The following RPAP3 variants were observed in gnomAD, a reference collection of about 807,000 sequenced individuals.
The protein encoded by RPAP3 is RNA polymerase II associated protein 3.
In RPAP3, 58 loss-of-function variants were observed where a neutral mutation model predicts 88.8. The ratio of observed to expected loss-of-function variants is 0.65; its 90% CI spans 0.53 to 0.81. The LOEUF is 0.81. Ranked by LOEUF, RPAP3 falls within the 40% of genes least tolerant of loss-of-function variation. RPAP3 has a pLI of 0.00. For missense variants in RPAP3, 751 were observed against 764.3 expected, an observed-to-expected ratio of 0.98 and a Z score of 0.20; for synonymous variants, 255 against 259.9, an observed-to-expected ratio of 0.98 and a Z score of 0.18.
intron 9 of RPAP3, among the ~76,000 whole-genome samples, chr12:47,682,605 G>A (rs946285818): frequency 6.6e-6 from 1 of 151,290 alleles, no homozygotes; most frequent in Admixed American, 6.6e-5. Flanking sequence ...AGTATGGCTT[G>A]TTAGAACTAG....
At chr12:47,702,296 A>G (rs1939667906) in intron 2 of RPAP3, among the ~76,000 whole-genome samples, 1 of 152,210 alleles carries the variant, frequency 6.6e-6, no homozygotes, top group Non-Finnish European at 1.5e-5. Flanking sequence ...CTGTAATCCC[A>G]GCACTTCGGG....
intron 5 of RPAP3, among the ~76,000 whole-genome samples, chr12:47,695,122 G>T (rs1045555832): frequency 6.6e-6 from 1 of 151,876 alleles, no homozygotes; most frequent in African/African-American, 2.4e-5. Flanking sequence ...AAGGAGGGAA[G>T]AAAGAGTGGG....
In RPAP3 at chr12:47,661,398, A is replaced by G. The variant is rs1200629687; in HGVS notation, c.*2107T>C. 6.6e-6 allele frequency: 1 copy of G among 152,138 alleles called. No homozygotes were observed. Among genetic ancestry groups the G allele is most frequent in the Non-Finnish European group, 1.5e-5 (1 of 68,026 alleles). The allele number at this position is 152,138 out of a possible 1,614,324, so 9.4% of individuals were successfully genotyped here. ...TAATAGTAACAGTAGCTTACTATACATCCAGCCCTGCTCCAAAAACAAAAT... is the reference window on the plus strand; with the variant it reads ...TAATAGTAACAGTAGCTTACTATACGTCCAGCCCTGCTCCAAAAACAAAAT... On this transcript the variant is annotated 3_prime_UTR_variant, in exon 17 of 17. Transcript: ENST00000005386.
At chr12:47,702,346 G>A (rs1939670367) in intron 2 of RPAP3, among the ~76,000 whole-genome samples, 1 of 151,782 alleles carries the variant, frequency 6.6e-6, no homozygotes, top group Non-Finnish European at 1.5e-5. Context: ...AACAGATCAA[G>A]ACCATCCTGG....
rs1322663452 is a variant in RPAP3, at chr12:47,697,657, T to C, written c.357A>G (p.Ser119=). 1.2e-6 allele frequency: 2 copies of C among 1,610,762 alleles called. No individual in the cohort carries two copies. Among genetic ancestry groups the C allele is most frequent in the African/African-American group, 1.3e-5 (1 of 74,844 alleles). Reference sequence around the variant, plus strand: ...CATGAATCCCATCTTCTTCCGACTCTGATTCTTGAGACAGAGACTCATGGG... The same window carrying C: ...CATGAATCCCATCTTCTTCCGACTCCGATTCTTGAGACAGAGACTCATGGG... ...DSTHESLSQE[S]ESEEDGIHVD... Residue 119 remains serine, a synonymous_variant, in exon 4 of 17, where the codon TCA becomes TCG. Coordinates refer to ENST00000005386, the MANE Select transcript of RPAP3 (RefSeq NM_024604.3).
At chr12:47,680,641 T>G (rs778572529) in intron 10 of RPAP3, among the ~76,000 whole-genome samples, 14 of 150,956 alleles carry the variant, frequency 9.3e-5, no homozygotes, top group Admixed American at 1.3e-4. Context: ...AGGAATAAAA[T>G]AAAAAGCAGA....
Position 47,680,841 on chromosome 12 carries a change from T to TA in RPAP3, c.1114+854_1114+855insT, listed in dbSNP as rs568225793. Among the ~76,000 whole-genome samples, 131 of 144,000 alleles carry TA rather than the reference T, an allele frequency of 9.1e-4. 1 individual carries two copies. In the South Asian group the frequency reaches 9.5e-3, roughly 10 times the overall value. The allele number at this position is 144,000 out of a possible 152,430, so 94.5% of individuals were successfully genotyped here. On this transcript the variant is annotated intron_variant, in intron 10 of 16. Transcript: ENST00000005386. ...ATAAAACCACAGCCCGAAGAGTTTT[T>TA]TAAAAAAAAAAAATCAATCACTAAC...
At chr12:47,699,696 TTA>T (rs1439299379) in intron 3 of RPAP3, 2 of 152,198 alleles carry the variant, frequency 1.3e-5, no homozygotes, top group East Asian at 3.8e-4. Flanking sequence ...CACAGCAGGT[TTA>T]TTCATCATAG....
chr12:47,689,104 A>G, intron 7 of RPAP3, 21 bp downstream of exon 7: 1 of 1,164,006 alleles, frequency 8.6e-7, no homozygotes, highest in Non-Finnish European at 1.3e-6. Flanking sequence ...AATACACTTA[A>G]TTTAAATAAC....
Position 47,667,042 on chromosome 12 carries a change from C to G in RPAP3, c.1850G>C (p.Arg617Thr), listed in dbSNP as rs1056339207. 2.0e-6 allele frequency: 3 copies of G among 1,516,656 alleles called. No homozygotes were observed. Among genetic ancestry groups the G allele is most frequent in the East Asian group, 5.1e-5 (2 of 39,140 alleles). 93.9% of individuals were successfully genotyped at this position (1,516,656 alleles called of 1,614,324 possible). Residue 617 changes from arginine (R) to threonine (T), a missense_variant, in exon 16 of 17, where the codon AGA becomes ACA. Arg to Thr is a moderately conservative substitution (Grantham distance 71). Coordinates refer to ENST00000005386, the MANE Select transcript of RPAP3 (RefSeq NM_024604.3). ...ATCAAACCTTTTTAGTTCAGAAAGT[C>G]TTTGTAAGATTTCAAAGATGAGTAA... The part of the protein sequence containing the change: ...KPLLIFEILQ[R>T]LSELKRFDMA...
At position 47,669,013 on chromosome 12, in the gene RPAP3, G is replaced by A. The variant is rs760962372; in HGVS notation, c.1616C>T (p.Thr539Ile). Residue 539 changes from threonine (T) to isoleucine (I), a missense_variant, in exon 14 of 17, where the codon ACA (threonine) becomes ATA (isoleucine). Coordinates refer to ENST00000005386, the MANE Select transcript of RPAP3 (RefSeq NM_024604.3). ...TGCAGGAATTGGAGGAAGAACAGTTGTGGCAAACTGAGCAGGTTTTTGTTC... is the reference window on the plus strand; with the variant it reads ...TGCAGGAATTGGAGGAAGAACAGTTATGGCAAACTGAGCAGGTTTTTGTTC... ...EIEQKPAQFA[T>I]TVLPPIPANS... The A allele has an allele frequency of 1.2e-6, 2 of 1,613,762 alleles. No homozygotes were observed. The highest frequency in any genetic ancestry group is 8.5e-7 in the Non-Finnish European group (1 of 1,179,670).
chr12:47,679,987 C>T (rs1299895285), intron 10 of RPAP3, among the ~76,000 whole-genome samples: 2 of 152,120 alleles, frequency 1.3e-5, no homozygotes, highest in African/African-American at 4.8e-5. Context: ...CTCACTACAA[C>T]CCCACTTTAA....
chr12:47,684,121 C>A (rs1172194733), intron 9 of RPAP3, among the ~76,000 whole-genome samples: 1 of 152,160 alleles, frequency 6.6e-6, no homozygotes, highest in Non-Finnish European at 1.5e-5. Flanking sequence ...TTCTGATTAT[C>A]TTCTTATTTC....
Position 47,686,356 on chromosome 12 carries a change from G to A in RPAP3, c.992+424C>T, listed in dbSNP as rs181064427. On this transcript the variant is annotated intron_variant, in intron 9 of 16. Coordinates refer to ENST00000005386, the MANE Select transcript of RPAP3 (RefSeq NM_024604.3). ...ATTTCCAGATAAGACTTTGCCCAAG[G>A]GGCTCTGAAGTGAAAAATAATTTTT... is the stretch of plus-strand genomic sequence containing the variant. Among the ~76,000 whole-genome samples the A allele has an allele frequency of 3.0e-4, 46 of 152,214 alleles. No homozygotes were observed. In the East Asian group the frequency reaches 7.9e-3, roughly 26 times the overall value.
In RPAP3 at chr12:47,667,832, T is replaced by A; in HGVS notation, c.1733A>T (p.Tyr578Phe). The change falls in exon 15 of 17, where the codon TAT (tyrosine) becomes TTT (phenylalanine). Residue 578 changes from tyrosine (Y) to phenylalanine (F), a missense_variant. Physicochemically the swap from Tyr to Phe is conservative, Grantham distance 22. Transcript: ENST00000005386. ...CAGATTTTTCTGAAACAACTTAGGA[T>A]ACAAAGATGGTTCAATTTGCTTGAA... ...QYLKQIEPSL[Y>F]PKLFQKNLDP... 6.2e-7 allele frequency: 1 copy of A among 1,601,516 alleles called. No homozygotes were observed.
Position 47,661,807 on chromosome 12 carries a change from C to T in RPAP3, c.*1698G>A, listed in dbSNP as rs1298908366. The T allele has an allele frequency of 6.6e-6, 1 of 152,168 alleles. No homozygotes were observed. Among genetic ancestry groups the T allele is most frequent in the African/African-American group, 2.4e-5 (1 of 41,444 alleles). 9.4% of individuals were successfully genotyped at this position (152,168 alleles called of 1,614,324 possible). On this transcript the variant is annotated 3_prime_UTR_variant, in exon 17 of 17. Coordinates refer to ENST00000005386, the MANE Select transcript of RPAP3 (RefSeq NM_024604.3). The stretch of plus-strand genomic sequence containing the variant: ...TATAATCATGCAGAGAACATTAACC[C>T]TCTGAGCCTCCTTTTCTTATGTTAA...
chr12:47,698,150 C>CA (rs1023308149), intron 3 of RPAP3, among the ~76,000 whole-genome samples: 17 of 151,504 alleles, frequency 1.1e-4, no homozygotes, highest in African/African-American at 4.1e-4. Context: ...TTAAAACGAA[C>CA]AAAAAAAAGA....
In RPAP3 at chr12:47,679,504, G is replaced by A. The variant is rs934495973; in HGVS notation, c.1276C>T (p.Pro426Ser). The A allele has an allele frequency of 9.4e-6, 15 of 1,596,176 alleles. No individual in the cohort carries two copies. Among genetic ancestry groups the A allele is most frequent in the Non-Finnish European group, 1.3e-5 (15 of 1,167,676 alleles). Reference protein sequence around the residue: ...VVKPIDNPPHPGSTKPLKKVI... With the variant: ...VVKPIDNPPHSGSTKPLKKVI... ...AGTGCTTTACTTACAGTTGATCCAG[G>A]ATGCGGTGGATTATCAATGGGTTTT... Residue 426 changes from proline (P) to serine (S), a missense_variant, in exon 12 of 17, where the codon CCT becomes TCT. Pro to Ser is a moderately conservative substitution (Grantham distance 74). Transcript: ENST00000005386.
At chr12:47,702,576 C>A in intron 2 of RPAP3, 112 bp downstream of exon 2, 1 of 878,980 alleles carries the variant, frequency 1.1e-6, no homozygotes, top group East Asian at 2.8e-5. Context: ...AGAAAATTGA[C>A]AGTGAAGCAA....
Sources: allele counts gnomAD v4.1 joint callset (sites outside exome capture counted in the v4.1 genomes callset), GRCh38; gene constraint gnomAD v4.1.1; transcripts MANE v1.5; gene names NCBI Gene and HGNC (gene_info 2026-07-23, HGNC 2026-07-21).